The following ZAN variants were observed in gnomAD, a reference collection of about 807,000 sequenced individuals.
ZAN encodes zonadhesin.
ZAN carries 260 observed loss-of-function variants against 286.2 expected under a neutral mutation model. That is an observed-to-expected ratio of 0.91 (90% CI 0.82 to 1.01). The LOEUF (loss-of-function observed/expected upper bound fraction) is 1.01, where lower values mean the gene tolerates loss of function less well. Ranked by LOEUF, ZAN falls within the 50% of genes least tolerant of loss-of-function variation. The probability of loss-of-function intolerance (pLI) is 0.00; values close to 1 mark genes in which losing one functional copy is unlikely to be tolerated. For synonymous variants in ZAN, 1,368 were observed against 1,417.5 expected (o/e 0.97, Z 0.79); for missense variants, 3,410 against 3,639.2 (o/e 0.94, Z 1.62).
At chr7:100,755,163 G>A in intron 14 of ZAN, 63 bp from the exon 15 acceptor site, 1 of 1,524,098 alleles carries the variant, frequency 6.6e-7, no homozygotes, top group Non-Finnish European at 8.9e-7. Context: ...GTAGAGGAGA[G>A]ACAGGGAGAC....
chr7:100,797,419 C>T lies in ZAN; in HGVS notation c.8320C>T (p.Leu2774=). ...ACTGCTGGTGCCTGTGGTGGTCGTACTACTGGCCGTGACCAGAGAGTGCAT... is the reference window on the plus strand; with the variant it reads ...ACTGCTGGTGCCTGTGGTGGTCGTATTACTGGCCGTGACCAGAGAGTGCAT... ...LGLLVPVVVV[L]LAVTRECIYR... Residue 2774 remains leucine, a synonymous_variant, in exon 46 of 48, where the codon CTA becomes TTA. Coordinates refer to ENST00000613979, the MANE Select transcript of ZAN (RefSeq NM_003386.3). The T allele has an allele frequency of 6.2e-7, 1 of 1,613,912 alleles. No individual in the cohort carries two copies. Among genetic ancestry groups the T allele is most frequent in the African/African-American group, 1.3e-5 (1 of 75,030 alleles).
At position 100,748,127 on chromosome 7, in the gene ZAN, TTC is replaced by T; in HGVS notation, c.1024-5_1024-4del. The T allele has an allele frequency of 6.2e-7, 1 of 1,613,422 alleles. No individual in the cohort carries two copies. The highest frequency in any genetic ancestry group is 8.5e-7 in the Non-Finnish European group (1 of 1,179,522). On this transcript the variant is annotated splice_region_variant and splice_polypyrimidine_tract_variant and intron_variant, in intron 9 of 47. Coordinates refer to ENST00000613979, the MANE Select transcript of ZAN (RefSeq NM_003386.3). ...GTGCTCACTCCTGCTCCATCTCCCT[TTC>T]TCTCCAGTTTGCCGTGGTAGGCGTT...
chr7:100,786,353 C>T (rs2116283339), intron 37 of ZAN, among the ~76,000 whole-genome samples: 2 of 152,292 alleles, frequency 1.3e-5, no homozygotes, highest in South Asian at 4.1e-4. Flanking sequence ...GACCCTCCAC[C>T]TGCAGGGCAA....
In ZAN at chr7:100,789,224, A is replaced by C. The variant is rs1584631318; in HGVS notation, c.7234A>C (p.Asn2412His). The C allele has an allele frequency of 1.2e-6, 2 of 1,613,226 alleles. No homozygotes were observed. Among genetic ancestry groups the C allele is most frequent in the East Asian group, 4.5e-5 (2 of 44,852 alleles). ...LQAGLELVVN[N>H]QKMAVPYRPN... The stretch of plus-strand genomic sequence containing the variant: ...TCCTGTCTTCCCTCTTTAGGTCAAC[A>C]ACCAGAAGATGGCCGTCCCCTACAG... Residue 2412 changes from asparagine to histidine, a missense_variant, in exon 39 of 48, where the codon AAC (asparagine) becomes CAC (histidine). By Grantham distance (68) the Asn-to-His change is moderately conservative. Coordinates refer to ENST00000613979, the MANE Select transcript of ZAN (RefSeq NM_003386.3).
intron 34 of ZAN, among the ~76,000 whole-genome samples, chr7:100,776,765 G>T (rs532038469): frequency 1.1e-3 from 107 of 100,888 alleles, no homozygotes; most frequent in African/African-American, 3.8e-3. Flanking sequence ...TTGCTCTGTC[G>T]CCCAGGCCGG....
rs1470022075 is a variant in ZAN, at chr7:100,752,974, A to T, written c.2869A>T (p.Ile957Phe). ...KPTISPEKLT[I>F]PTEKPTISTE... ...CACCATCTCCCCAGAAAAACTCACC[A>T]TCCCCACAGAAAAACCCACCATCTC... The change falls in exon 14 of 48, where the codon ATC (isoleucine) becomes TTC (phenylalanine). Residue 957 changes from isoleucine to phenylalanine, a missense_variant. Ile to Phe is a conservative substitution (Grantham distance 21). Around this residue, in one of 7 missense-constraint regions of ZAN, gnomAD observed 1,042 missense variants for 1,058.0 expected, o/e 0.98. Transcript: ENST00000613979. 1 of 1,608,950 alleles carries T rather than the reference A, an allele frequency of 6.2e-7. No individual in the cohort carries two copies. The highest frequency in any genetic ancestry group is 1.7e-5 in the Admixed American group (1 of 59,414).
chr7:100,775,280 T>C lies in ZAN; in HGVS notation c.5780-48T>C, dbSNP rs1363420405. 5 of 1,594,456 alleles carry C rather than the reference T, an allele frequency of 3.1e-6. No homozygotes were observed. The African/African-American group carries it at 6.7e-5, about 21-fold the overall frequency. On this transcript the variant is annotated intron_variant, in intron 31 of 47. Coordinates refer to ENST00000613979, the MANE Select transcript of ZAN (RefSeq NM_003386.3). ...CAGGACTAGTTTCCCAGGGACCCTG[T>C]ACCTGCCAGAGGAGCGTCATAGCCC...
Position 100,763,095 on chromosome 7 carries a change from A to G in ZAN, c.3987-711A>G, listed in dbSNP as rs1407026186. Among the ~76,000 whole-genome samples, 1 of 148,984 alleles carries G rather than the reference A, an allele frequency of 6.7e-6. No individual in the cohort carries two copies. The highest frequency in any genetic ancestry group is 1.5e-5 in the Non-Finnish European group (1 of 67,272). ...CAAGTGATTCTCACGCCTCAATCCC[A>G]ATGAGATTATAGGCACATGCCACCA... On this transcript the variant is annotated intron_variant, in intron 20 of 47. Coordinates refer to ENST00000613979, the MANE Select transcript of ZAN (RefSeq NM_003386.3). The surrounding 1 kb of genome is among the most constrained non-coding windows in gnomAD (Gnocchi z 4.6).
chr7:100,777,882 C>A (rs1414771686), intron 34 of ZAN, among the ~76,000 whole-genome samples: 1 of 151,602 alleles, frequency 6.6e-6, no homozygotes, highest in South Asian at 2.1e-4. Flanking sequence ...CAGAATGTTG[C>A]TTTGTGTGTG....
chr7:100,792,407 A>C lies in ZAN; in HGVS notation c.7715A>C (p.His2572Pro), dbSNP rs771124516. 6.8e-6 allele frequency: 11 copies of C among 1,608,864 alleles called. No homozygotes were observed. The South Asian group carries it at 1.1e-4, about 16-fold the overall frequency. Residue 2572 changes from histidine (H) to proline (P), a missense_variant and splice_region_variant, in exon 42 of 48, where the codon CAC (histidine) becomes CCC (proline). This residue lies in a region of ZAN where 1,289 missense variants were observed against 1,314.3 expected (regional missense o/e 0.98). Coordinates refer to ENST00000613979, the MANE Select transcript of ZAN (RefSeq NM_003386.3). ...QTVAPEPFQE[H>P]CVLDLCSAQD... ...TTCCTGCCCCCTCTCTGCACCAGGC[A>C]CTGCGTGCTGGATCTGTGCTCTGCT... is the stretch of plus-strand genomic sequence containing the variant.
At chr7:100,764,507 A>AAAATAAAT (rs199749280) in intron 22 of ZAN, among the ~76,000 whole-genome samples, 1 of 148,704 alleles carries the variant, frequency 6.7e-6, no homozygotes. Context: ...AAAATAAAAT[A>AAAATAAAT]AAATAAATAA....
Position 100,795,285 on chromosome 7 carries a change from G to C in ZAN, c.8215G>C (p.Gly2739Arg), listed in dbSNP as rs376317138. ...TFTCECEVGY[G>R]GGLCMEPRDA... ...CACCTGCGAGTGTGAAGTTGGTTAC[G>C]GGGGAGGCCTGTGTATGGAGCCTCG... Residue 2739 changes from glycine to arginine, a missense_variant, in exon 45 of 48, where the codon GGG becomes CGG. By Grantham distance (125) the Gly-to-Arg change is moderately radical (BLOSUM62 -2). Coordinates refer to ENST00000613979, the MANE Select transcript of ZAN (RefSeq NM_003386.3). 1.1e-5 allele frequency: 17 copies of C among 1,611,042 alleles called. No homozygotes were observed. The highest frequency in any genetic ancestry group is 1.7e-4 in the Middle Eastern group (1 of 6,052).
chr7:100,789,859 C>T (rs111574463), intron 39 of ZAN, among the ~76,000 whole-genome samples: 280 of 152,096 alleles, frequency 1.8e-3, no homozygotes, highest in African/African-American at 6.4e-3. Context: ...GCAGGAGAAT[C>T]GCTTGAACGT....
intron 35 of ZAN, 121 bp from the exon 36 acceptor site, chr7:100,784,502 A>G: frequency 2.2e-6 from 2 of 927,974 alleles, no homozygotes; most frequent in South Asian, 1.7e-5. Context: ...GAATAACAAA[A>G]GAACAAAAAA....
Position 100,797,662 on chromosome 7 carries a change from G to A in ZAN, c.8413+39G>A, listed in dbSNP as rs574802968. 50 of 1,614,026 alleles carry A rather than the reference G, an allele frequency of 3.1e-5. No individual in the cohort carries two copies. In the Admixed American group the frequency reaches 4.3e-4, roughly 14 times the overall value. ...CCACAGCCCGGAACCTCGGGGCCTA[G>A]AGTTGAGTCTCCTCTCATACATGGT... On this transcript the variant is annotated intron_variant, in intron 47 of 47. Coordinates refer to ENST00000613979, the MANE Select transcript of ZAN (RefSeq NM_003386.3).
rs769933757 is a variant in ZAN at position 100,750,796 on chromosome 7, G to A, written c.1421G>A (p.Gly474Glu). 5 of 1,610,546 alleles carry A rather than the reference G, an allele frequency of 3.1e-6. No homozygotes were observed. The African/African-American group carries it at 4.0e-5, about 13-fold the overall frequency. ...GAACTCCTCCTGGGAAGTCCTGCGG[G>A]GAGTCCCCCGATTCCTCTCTGGAAA... Reference protein sequence around the residue: ...MLELLLGSPAGSPPIPLWKRV... With the variant: ...MLELLLGSPAESPPIPLWKRV... The change falls in exon 12 of 48, where the codon GGG becomes GAG. Residue 474 changes from glycine to glutamate, a missense_variant. Transcript: ENST00000613979.
At chr7:100,779,790 C>A in intron 35 of ZAN, 40 bp downstream of exon 35, 1 of 1,516,920 alleles carries the variant, frequency 6.6e-7, no homozygotes, top group South Asian at 1.2e-5. Context: ...CCTCCCAAAC[C>A]CCCTTTCCCT....
intron 7 of ZAN, 124 bp from the exon 8 acceptor site, chr7:100,746,414 G>A: frequency 7.9e-7 from 1 of 1,271,656 alleles, no homozygotes; most frequent in Non-Finnish European, 1.1e-6. Context: ...CCTCAGTGCT[G>A]CCTGATTCTA....
chr7:100,755,322 G>A lies in ZAN; in HGVS notation c.3221G>A (p.Cys1074Tyr), dbSNP rs760087518. Reference sequence around the variant, plus strand: ...TGTGGGCCCCTCTGTCGGGAGGGCTGTGTCTGCAACCCTGGCTTTTTGTTT... The same window carrying A: ...TGTGGGCCCCTCTGTCGGGAGGGCTATGTCTGCAACCCTGGCTTTTTGTTT... ...PSCGPLCREG[C>Y]VCNPGFLFSD... The change falls in exon 15 of 48, where the codon TGT (cysteine) becomes TAT (tyrosine). Residue 1074 changes from cysteine (C) to tyrosine (Y), a missense_variant. Coordinates refer to ENST00000613979, the MANE Select transcript of ZAN (RefSeq NM_003386.3). 3.7e-6 allele frequency: 6 copies of A among 1,613,756 alleles called. No individual in the cohort carries two copies. In the South Asian group the frequency reaches 5.5e-5, roughly 15 times the overall value.
Sources: allele counts gnomAD v4.1 joint callset (sites outside exome capture counted in the v4.1 genomes callset), GRCh38; gene constraint gnomAD v4.1.1; regional missense constraint gnomAD v4.1.1; non-coding constraint Gnocchi (gnomAD v3.1); transcripts MANE v1.5; gene names NCBI Gene and HGNC (gene_info 2026-07-23, HGNC 2026-07-21).